Variants in MEIS1 observed in about 807,000 individuals in gnomAD.
MEIS1 encodes homeobox protein Meis1.
Under a neutral mutation model 50.8 loss-of-function variants are expected in MEIS1, and 5 were observed. That is an observed-to-expected ratio of 0.10 (90% confidence interval 0.05 to 0.21). The LOEUF (loss-of-function observed/expected upper bound fraction) is 0.21, where lower values mean the gene tolerates loss of function less well. MEIS1 is among the 10% of genes least tolerant of loss of function. MEIS1 has a pLI of 1.00. For missense variants in MEIS1, 318 were observed against 517.3 expected, an observed-to-expected ratio of 0.61 and a Z score of 3.74; for synonymous variants, 176 against 179.3, an observed-to-expected ratio of 0.98 and a Z score of 0.15.
At chr2:66,471,462 T>A (rs1302178862) in intron 7 of MEIS1, among the ~76,000 whole-genome samples, 2 of 152,222 alleles carry the variant, frequency 1.3e-5, no homozygotes, top group Non-Finnish European at 2.9e-5. Context: ...TGGAGTTTTG[T>A]TGCAAGTGAT....
At chr2:66,464,264 A>G in intron 7 of MEIS1, 44 bp downstream of exon 7, 1 of 1,476,902 alleles carries the variant, frequency 6.8e-7, no homozygotes, top group Middle Eastern at 2.2e-4. Flanking sequence ...TTCATTTTTA[A>G]GGATTGAAAA....
chr2:66,530,510 C>G (rs975357172), intron 8 of MEIS1, among the ~76,000 whole-genome samples: 1 of 151,868 alleles, frequency 6.6e-6, no homozygotes, highest in Non-Finnish European at 1.5e-5. Flanking sequence ...GTCAGGAGAT[C>G]GAGACCATCC....
intron 6 of MEIS1, among the ~76,000 whole-genome samples, chr2:66,458,550 G>A (rs1465371455): frequency 6.6e-6 from 1 of 152,178 alleles, no homozygotes; most frequent in Non-Finnish European, 1.5e-5. Flanking sequence ...TTTATTGAGT[G>A]CTTGCTGCAT....
At chr2:66,561,786 C>T (rs1675218491) in intron 9 of MEIS1, among the ~76,000 whole-genome samples, 1 of 152,054 alleles carries the variant, frequency 6.6e-6, no homozygotes, top group African/African-American at 2.4e-5. Context: ...ATTCTATGTC[C>T]ACCACTATCC....
intron 7 of MEIS1, 40 bp from the exon 8 acceptor site, chr2:66,512,109 A>G (rs1673846752): frequency 1.3e-6 from 2 of 1,513,934 alleles, no homozygotes; most frequent in Admixed American, 4.4e-5. Context: ...AAAGCATGTC[A>G]AGGTAGCATC....
chr2:66,443,320 T>C, intron 6 of MEIS1: 1 of 409,964 alleles, frequency 2.4e-6, no homozygotes, highest in Non-Finnish European at 4.3e-6. Flanking sequence ...TTTATTTTAT[T>C]TACCCTCTAT....
chr2:66,504,109 A>C (rs1010653391), intron 7 of MEIS1, among the ~76,000 whole-genome samples: 8 of 151,970 alleles, frequency 5.3e-5, no homozygotes, highest in Non-Finnish European at 1.2e-4. Context: ...CAGTAAATTC[A>C]TAGGAAGAAG....
intron 8 of MEIS1, among the ~76,000 whole-genome samples, chr2:66,519,740 G>A (rs1674066174): frequency 6.6e-6 from 1 of 152,052 alleles, no homozygotes; most frequent in African/African-American, 2.4e-5. Flanking sequence ...ATGTTATGAA[G>A]GCCAACATCC....
intron 8 of MEIS1, among the ~76,000 whole-genome samples, chr2:66,519,736 T>G (rs1379334769): frequency 6.6e-6 from 1 of 152,180 alleles, no homozygotes; most frequent in Non-Finnish European, 1.5e-5. Context: ...CTTGATGTTA[T>G]GAAGGCCAAC....
chr2:66,473,326 C>T (rs952872771), intron 7 of MEIS1, among the ~76,000 whole-genome samples: 15 of 139,132 alleles, frequency 1.1e-4, no homozygotes, highest in African/African-American at 3.6e-4. Context: ...TGCGGTGAGC[C>T]GAGATTGTGC....
At chr2:66,508,634 G>C (rs1673744888) in intron 7 of MEIS1, among the ~76,000 whole-genome samples, 1 of 152,234 alleles carries the variant, frequency 6.6e-6, no homozygotes, top group South Asian at 2.1e-4. Context: ...TCACTGGCCT[G>C]CTAGTTAATT....
At chr2:66,543,305 T>C (rs749888182) in intron 8 of MEIS1, among the ~76,000 whole-genome samples, 1 of 152,226 alleles carries the variant, frequency 6.6e-6, no homozygotes, top group Non-Finnish European at 1.5e-5. Flanking sequence ...TGGTTCATTA[T>C]TGGAAGTCAC....
At chr2:66,552,644 G>A (rs1398164101) in intron 9 of MEIS1, among the ~76,000 whole-genome samples, 1 of 152,134 alleles carries the variant, frequency 6.6e-6, no homozygotes, top group Non-Finnish European at 1.5e-5. Flanking sequence ...AAAAAAGTAT[G>A]TTATCCTTGG....
intron 7 of MEIS1, among the ~76,000 whole-genome samples, chr2:66,507,692 G>C (rs1387269297): frequency 6.6e-6 from 1 of 152,166 alleles, no homozygotes; most frequent in African/African-American, 2.4e-5. Context: ...TGGAAGCAAG[G>C]CTTTGACCTG....
chr2:66,467,735 A>G (rs1326003859), intron 7 of MEIS1, among the ~76,000 whole-genome samples: 1 of 152,188 alleles, frequency 6.6e-6, no homozygotes, highest in Non-Finnish European at 1.5e-5. Context: ...CTTTCCCTCA[A>G]TTCAAATTAT....
chr2:66,486,940 A>G (rs1316746903), intron 7 of MEIS1, among the ~76,000 whole-genome samples: 1 of 152,154 alleles, frequency 6.6e-6, no homozygotes, highest in African/African-American at 2.4e-5. Context: ...TTGCACATTG[A>G]CTTTGTATCC....
rs765398449 is a variant in MEIS1 at position 66,439,972 on chromosome 2, G to A, written c.369G>A (p.Val123=). ...SSESFNEDIA[V]FAKQIRAEKP... ...AGTCATTCAATGAAGATATAGCCGT[G>A]TTCGCCAAACAGGTCAGCAAAATAG... is the stretch of plus-strand genomic sequence containing the variant. Residue 123 remains valine, a synonymous_variant, in exon 3 of 13, where the codon GTG becomes GTA. Transcript: ENST00000272369. 32 of 1,611,582 alleles carry A rather than the reference G, an allele frequency of 2.0e-5. No individual in the cohort carries two copies. The Admixed American group carries it at 4.5e-4, about 23-fold the overall frequency.
chr2:66,527,742 T>C (rs987639561), intron 8 of MEIS1, among the ~76,000 whole-genome samples: 2 of 152,034 alleles, frequency 1.3e-5, no homozygotes, highest in Non-Finnish European at 2.9e-5. Context: ...TTCCATGATA[T>C]GATGACTTAA....
At chr2:66,530,515 C>T (rs544074049) in intron 8 of MEIS1, among the ~76,000 whole-genome samples, 1 of 152,066 alleles carries the variant, frequency 6.6e-6, no homozygotes, top group Admixed American at 6.5e-5. Flanking sequence ...GAGATCGAGA[C>T]CATCCTGGCT....
Sources: gnomAD v4.1 joint callset for allele counts (sites outside exome capture counted in the v4.1 genomes callset) on GRCh38, gnomAD v4.1.1 for gene constraint, MANE v1.5 for transcripts, NCBI Gene and HGNC (gene_info 2026-07-23, HGNC 2026-07-21) for gene names.